Variants in NACC2 observed in about 807,000 individuals in gnomAD.
NACC2 encodes the protein nucleus accumbens-associated protein 2.
A neutral mutation model predicts 25.1 loss-of-function variants in NACC2; 8 were observed. The ratio of observed to expected loss-of-function variants is 0.32; its 90% CI spans 0.19 to 0.57. The LOEUF (loss-of-function observed/expected upper bound fraction) is 0.57. NACC2 is among the 20% of genes least tolerant of loss of function. The pLI is 0.89. For missense variants in NACC2, 644 were observed against 650.2 expected (o/e 0.99, Z 0.10); for synonymous variants, 435 against 294.7 (o/e 1.48, Z -4.88).
chr9:136,090,629 C>T (rs1417572942), intron 1 of NACC2, among the ~76,000 whole-genome samples: 2 of 152,244 alleles, frequency 1.3e-5, no homozygotes, highest in African/African-American at 4.8e-5. Context: ...GGATTCCAGC[C>T]TCCAGATTCC....
intron 1 of NACC2, among the ~76,000 whole-genome samples, chr9:136,078,245 C>G (rs868458885): frequency 1.3e-5 from 2 of 152,194 alleles, no homozygotes; most frequent in South Asian, 2.1e-4. Flanking sequence ...CCCCACCCCC[C>G]GCAACCTTGT....
intron 1 of NACC2, among the ~76,000 whole-genome samples, chr9:136,059,316 G>A (rs1307645609): frequency 6.6e-6 from 1 of 152,180 alleles, no homozygotes; most frequent in African/African-American, 2.4e-5. Flanking sequence ...CATGCTTGGT[G>A]TCCAGATGCA....
chr9:136,040,837 TGTAG>T (rs1840616727), intron 2 of NACC2, among the ~76,000 whole-genome samples: 1 of 152,130 alleles, frequency 6.6e-6, no homozygotes, highest in African/African-American at 2.4e-5. Flanking sequence ...GGTGCACGCC[TGTAG>T]TTCCAGCTAC....
chr9:136,090,377 C>T (rs1378007467), intron 1 of NACC2, among the ~76,000 whole-genome samples: 1 of 138,756 alleles, frequency 7.2e-6, no homozygotes, highest in Non-Finnish European at 1.7e-5. Flanking sequence ...CAGCTGCCCC[C>T]TGACTCTAGG....
Position 136,086,275 on chromosome 9 carries a change from C to T in NACC2, c.-60+8914G>A, listed in dbSNP as rs1015715584. On this transcript the variant is annotated intron_variant, in intron 1 of 5. Coordinates refer to ENST00000277554, the MANE Select transcript of NACC2 (RefSeq NM_144653.5). The surrounding 1 kb of genome is among the most constrained non-coding windows in gnomAD (Gnocchi z 5.6). ...TCACACCGTGCAGCTGGGGACAGGA[C>T]GAAGGGCACATGCCCCCCGAGGCCT... 6.6e-5 allele frequency among the ~76,000 whole-genome samples: 10 copies of T among 152,194 alleles called. No individual in the cohort carries two copies. Among genetic ancestry groups the T allele is most frequent in the Non-Finnish European group, 1.0e-4 (7 of 68,036 alleles).
At chr9:136,027,181 C>T (rs567436742) in intron 2 of NACC2, among the ~76,000 whole-genome samples, 17 of 152,270 alleles carry the variant, frequency 1.1e-4, no homozygotes, top group Middle Eastern at 3.4e-3. Context: ...GCCGAGATAG[C>T]GCCACTGCCC....
At chr9:136,026,565 T>C (rs1340128540) in intron 2 of NACC2, among the ~76,000 whole-genome samples, 1 of 151,594 alleles carries the variant, frequency 6.6e-6, no homozygotes, top group Non-Finnish European at 1.5e-5. Context: ...TGATCTCAGA[T>C]AGGAGGGAGT....
intron 1 of NACC2, among the ~76,000 whole-genome samples, chr9:136,064,560 G>C (rs1317855944): frequency 6.6e-6 from 1 of 152,156 alleles, no homozygotes; most frequent in African/African-American, 2.4e-5. Flanking sequence ...AAGATCTAAA[G>C]AAGTAAAACA....
At chr9:136,053,189 G>A (rs1003408367) in intron 1 of NACC2, among the ~76,000 whole-genome samples, 194 of 152,318 alleles carry the variant, frequency 1.3e-3, no homozygotes, top group Non-Finnish European at 1.6e-3. Context: ...CACTCCCGGC[G>A]CCCCTCTGAG....
At chr9:136,085,005 G>A (rs1429015378) in intron 1 of NACC2, among the ~76,000 whole-genome samples, 1 of 152,148 alleles carries the variant, frequency 6.6e-6, no homozygotes, top group Non-Finnish European at 1.5e-5. Context: ...ATGGTGCTGA[G>A]GGCAGCGCAA....
chr9:136,013,100 G>T lies in NACC2; in HGVS notation c.1255+99C>A. Reference sequence around the variant, plus strand: ...TCGGCCCCCAGGGACGGAAGCTGCAGGTGGCCGGGAGCACCCCCGCGGCCC... The same window carrying T: ...TCGGCCCCCAGGGACGGAAGCTGCATGTGGCCGGGAGCACCCCCGCGGCCC... On this transcript the variant is annotated intron_variant, in intron 5 of 5. Transcript: ENST00000277554. The surrounding 1 kb of genome is among the most constrained non-coding windows in gnomAD (Gnocchi z 6.6). 1.0e-6 allele frequency: 1 copy of T among 985,776 alleles called. No homozygotes were observed. Among genetic ancestry groups the T allele is most frequent in the Non-Finnish European group, 1.5e-6 (1 of 654,372 alleles). The allele number at this position is 985,776 out of a possible 1,614,324, so 61.1% of individuals were successfully genotyped here.
intron 1 of NACC2, among the ~76,000 whole-genome samples, chr9:136,074,152 A>C (rs558748212): frequency 1.3e-5 from 2 of 152,006 alleles, no homozygotes; most frequent in East Asian, 3.9e-4. Flanking sequence ...TAATTTGTTA[A>C]AAAATTAGCC....
At chr9:136,016,168 A>C in intron 3 of NACC2, 97 bp downstream of exon 3, 1 of 1,341,124 alleles carries the variant, frequency 7.5e-7, no homozygotes, top group Non-Finnish European at 1.0e-6. Flanking sequence ...TTTTTGACTG[A>C]TTGGTGATGA....
At position 136,011,495 on chromosome 9, in the gene NACC2, C is replaced by G. The variant is rs776852080; in HGVS notation, c.*21G>C. On this transcript the variant is annotated 3_prime_UTR_variant, in exon 6 of 6. Coordinates refer to ENST00000277554, the MANE Select transcript of NACC2 (RefSeq NM_144653.5). ...CAAGCAGCTCTAGTACTCGGTCCCT[C>G]GCGCAGCCACCCAGCTCCGCTTACA... The G allele has an allele frequency of 2.2e-6, 3 of 1,358,628 alleles. No individual in the cohort carries two copies. Among genetic ancestry groups the G allele is most frequent in the South Asian group, 2.1e-5 (1 of 48,378 alleles). The allele number at this position is 1,358,628 out of a possible 1,614,324, so 84.2% of individuals were successfully genotyped here.
At chr9:136,032,770 T>C (rs777557085) in intron 2 of NACC2, among the ~76,000 whole-genome samples, 7 of 151,892 alleles carry the variant, frequency 4.6e-5, no homozygotes, top group Non-Finnish European at 8.8e-5. Flanking sequence ...TGGTGGCTCA[T>C]GCCTGTAATC....
intron 2 of NACC2, among the ~76,000 whole-genome samples, chr9:136,048,426 G>A (rs1396110757): frequency 1.3e-5 from 2 of 152,238 alleles, no homozygotes; most frequent in South Asian, 2.1e-4. Flanking sequence ...CAATTCCGTA[G>A]CTAGCAAAGC....
intron 2 of NACC2, among the ~76,000 whole-genome samples, chr9:136,041,530 A>G (rs1054088324): frequency 2.0e-5 from 3 of 151,530 alleles, no homozygotes; most frequent in Non-Finnish European, 4.4e-5. Flanking sequence ...ATACGATTCC[A>G]TTGAACCAAA....
intron 2 of NACC2, among the ~76,000 whole-genome samples, chr9:136,038,660 T>C (rs1840589128): frequency 6.6e-6 from 1 of 152,186 alleles, no homozygotes; most frequent in East Asian, 1.9e-4. Context: ...ATGGTAAAAA[T>C]TACTTCTTCA....
rs780003174 is a variant in NACC2 at position 136,016,370 on chromosome 9, C to G, written c.946G>C (p.Asp316His). The change falls in exon 3 of 6, where the codon GAC becomes CAC. Residue 316 changes from aspartate to histidine, a missense_variant. Transcript: ENST00000277554. ...ESRSCVLIRR[D>H]LVALPASLIS... ...AGGCTGGCAGGTAGGGCCACGAGGTCGCGGCGGATGAGGACGCAGGAGCGG... is the reference window on the plus strand; with the variant it reads ...AGGCTGGCAGGTAGGGCCACGAGGTGGCGGCGGATGAGGACGCAGGAGCGG... The G allele has an allele frequency of 6.2e-7, 1 of 1,611,714 alleles. No homozygotes were observed. The highest frequency in any genetic ancestry group is 1.7e-5 in the Admixed American group (1 of 59,994).
Sources: allele counts gnomAD v4.1 joint callset (sites outside exome capture counted in the v4.1 genomes callset), GRCh38; gene constraint gnomAD v4.1.1; non-coding constraint Gnocchi (gnomAD v3.1); transcripts MANE v1.5; gene names NCBI Gene and HGNC (gene_info 2026-07-23, HGNC 2026-07-21).